Variants in GTF2IRD1 observed in about 807,000 individuals in gnomAD.
GTF2IRD1 encodes the protein general transcription factor II-I repeat domain-containing protein 1.
Under a neutral mutation model 113.2 loss-of-function variants are expected in GTF2IRD1, and 26 were observed. The observed-to-expected ratio is 0.23, with a 90% CI of 0.17 to 0.32. GTF2IRD1 has a LOEUF of 0.32. Ranked by LOEUF, GTF2IRD1 falls within the 10% of genes least tolerant of loss-of-function variation. GTF2IRD1 has a pLI of 1.00. For missense variants in GTF2IRD1, 864 were observed against 1,280.8 expected, an observed-to-expected ratio of 0.67 and a Z score of 4.97; for synonymous variants, 484 against 529.1, an observed-to-expected ratio of 0.91 and a Z score of 1.17.
chr7:74,494,977 ACTC>A (rs1284345265), intron 1 of GTF2IRD1, among the ~76,000 whole-genome samples: 4 of 151,480 alleles, frequency 2.6e-5, no homozygotes, highest in East Asian at 3.9e-4. Context: ...CTGGTCTTGA[ACTC>A]CTGGCCTCAA....
At chr7:74,510,639 A>T (rs1554342660) in intron 2 of GTF2IRD1, among the ~76,000 whole-genome samples, 1 of 152,124 alleles carries the variant, frequency 6.6e-6, no homozygotes, top group African/African-American at 2.4e-5. Context: ...AAAACGAAAT[A>T]AACAACTCAG....
intron 1 of GTF2IRD1, among the ~76,000 whole-genome samples, chr7:74,493,869 C>T (rs1795501202): frequency 6.6e-6 from 1 of 152,108 alleles, no homozygotes; most frequent in Non-Finnish European, 1.5e-5. Context: ...CAGGCATGCA[C>T]CACCACACCC....
intron 20 of GTF2IRD1, among the ~76,000 whole-genome samples, chr7:74,558,417 T>C (rs1799748778): frequency 7.5e-6 from 1 of 133,852 alleles, no homozygotes. Flanking sequence ...TGGAGTACAG[T>C]GGCGTGATCA....
At chr7:74,456,681 TA>T (rs60404867) in intron 1 of GTF2IRD1, among the ~76,000 whole-genome samples, 469 of 140,054 alleles carry the variant, frequency 3.3e-3, no homozygotes, top group Middle Eastern at 0.011. Context: ...AGACTCCATC[TA>T]AAAAAAAAAA....
chr7:74,591,399 G>A (rs1406775790), intron 24 of GTF2IRD1, among the ~76,000 whole-genome samples: 5 of 99,682 alleles, frequency 5.0e-5, no homozygotes, highest in African/African-American at 1.6e-4. Context: ...TTTTTTTTGA[G>A]ACAGAGTCTT....
At chr7:74,502,545 A>G (rs1796085764) in intron 1 of GTF2IRD1, among the ~76,000 whole-genome samples, 1 of 152,220 alleles carries the variant, frequency 6.6e-6, no homozygotes, top group Non-Finnish European at 1.5e-5. Flanking sequence ...CCCTGGCCCC[A>G]GGGCTGGCTA....
chr7:74,468,443 A>G (rs1248856780), intron 1 of GTF2IRD1, among the ~76,000 whole-genome samples: 4 of 151,816 alleles, frequency 2.6e-5, no homozygotes, highest in African/African-American at 4.8e-5. Flanking sequence ...GCAGATCACA[A>G]GGTCAGGAGT....
At chr7:74,564,973 TG>T (rs1456400285) in intron 22 of GTF2IRD1, among the ~76,000 whole-genome samples, 7 of 151,742 alleles carry the variant, frequency 4.6e-5, no homozygotes, top group African/African-American at 1.5e-4. Flanking sequence ...TCAAGGGAGC[TG>T]TGGGCCAGGG....
chr7:74,560,562 TATAATAAAAAATATTATATAG>T (rs1201487775), intron 22 of GTF2IRD1, among the ~76,000 whole-genome samples: 8 of 147,390 alleles, frequency 5.4e-5, no homozygotes, highest in African/African-American at 1.5e-4. Context: ...ATATTATATA[TATAATAAAAAATATTATATAG>T]AGAGAGAGAG....
intron 11 of GTF2IRD1, 122 bp downstream of exon 11, chr7:74,536,397 AG>A (rs1320135723): frequency 1.7e-6 from 1 of 603,012 alleles, no homozygotes; most frequent in Non-Finnish European, 3.0e-6. Flanking sequence ...GAAGGTGCAA[AG>A]GGAGGGCAAG....
chr7:74,538,814 C>G, intron 13 of GTF2IRD1, 54 bp downstream of exon 13: 1 of 960,230 alleles, frequency 1.0e-6, no homozygotes, highest in South Asian at 1.3e-5. Flanking sequence ...GGACCGTTAG[C>G]CTCCTGAGGG....
chr7:74,508,855 T>C (rs1403982724), intron 2 of GTF2IRD1, among the ~76,000 whole-genome samples: 1 of 152,036 alleles, frequency 6.6e-6, no homozygotes, highest in African/African-American at 2.4e-5. Context: ...AGCCATTCAC[T>C]AGAAAGATGT....
chr7:74,574,784 T>A (rs1452510839), intron 22 of GTF2IRD1, among the ~76,000 whole-genome samples: 3 of 147,944 alleles, frequency 2.0e-5, no homozygotes, highest in Non-Finnish European at 3.0e-5. Context: ...TAATCAACAC[T>A]GATTAAAAAA....
Position 74,454,195 on chromosome 7 carries a change from G to C in GTF2IRD1, c.-7+19G>C, listed in dbSNP as rs1187895048. On this transcript the variant is annotated intron_variant, in intron 1 of 26. Coordinates refer to ENST00000424337, the MANE Select transcript of GTF2IRD1 (RefSeq NM_005685.4). ...CTCCAAGGTAGGAGAAACTTTTGCG[G>C]GGGGCGGGCACCGAGGCCCTTCTCC... 1 of 151,726 alleles carries C rather than the reference G, an allele frequency of 6.6e-6. No homozygotes were observed. Among genetic ancestry groups the C allele is most frequent in the Non-Finnish European group, 1.5e-5 (1 of 67,892 alleles). 9.4% of individuals were successfully genotyped at this position (151,726 alleles called of 1,614,324 possible).
intron 1 of GTF2IRD1, among the ~76,000 whole-genome samples, chr7:74,467,045 G>C (rs1793767204): frequency 6.6e-6 from 1 of 151,642 alleles, no homozygotes; most frequent in Non-Finnish European, 1.5e-5. Flanking sequence ...CCGCCTCATG[G>C]GTTAAAGCAA....
At chr7:74,532,771 C>T (rs1386175569) in intron 9 of GTF2IRD1, among the ~76,000 whole-genome samples, 3 of 152,172 alleles carry the variant, frequency 2.0e-5, no homozygotes, top group Non-Finnish European at 4.4e-5. Context: ...CTTGCACCCC[C>T]GGCTCTGCCT....
intron 17 of GTF2IRD1, among the ~76,000 whole-genome samples, chr7:74,551,828 C>T (rs1427194273): frequency 3.3e-5 from 5 of 151,856 alleles, no homozygotes; most frequent in East Asian, 1.9e-4. Flanking sequence ...CCCAGCTACT[C>T]GGGAGGCTGA....
intron 17 of GTF2IRD1, among the ~76,000 whole-genome samples, chr7:74,551,079 C>T (rs1799278880): frequency 6.6e-6 from 1 of 152,158 alleles, no homozygotes; most frequent in South Asian, 2.1e-4. Context: ...TGGTGGCTCA[C>T]ATCTGTAATC....
At chr7:74,586,135 C>T (rs1801701718) in intron 22 of GTF2IRD1, among the ~76,000 whole-genome samples, 1 of 152,182 alleles carries the variant, frequency 6.6e-6, no homozygotes, top group African/African-American at 2.4e-5. Context: ...TCTGTGCATG[C>T]ATGGCCATGC....
Sources: allele counts gnomAD v4.1 joint callset (sites outside exome capture counted in the v4.1 genomes callset), GRCh38; gene constraint gnomAD v4.1.1; transcripts MANE v1.5; gene names NCBI Gene and HGNC (gene_info 2026-07-23, HGNC 2026-07-21).